SGF29: variants seen among roughly 807,000 people sequenced by gnomAD.
The protein encoded by SGF29 is SAGA-associated factor 29.
SGF29 carries 15 observed loss-of-function variants against 38.1 expected under a neutral mutation model. The observed-to-expected ratio is 0.39, with a 90% CI of 0.26 to 0.61. The LOEUF (loss-of-function observed/expected upper bound fraction) is 0.61. Ranked by LOEUF, SGF29 falls within the 20% of genes least tolerant of loss-of-function variation. The probability of loss-of-function intolerance (pLI) is 0.49; values close to 1 mark genes in which losing one functional copy is unlikely to be tolerated. For synonymous variants in SGF29, 151 were observed against 160.8 expected (o/e 0.94, Z 0.46); for missense variants, 184 against 394.6 (o/e 0.47, Z 4.52).
In SGF29 at chr16:28,589,043, G is replaced by C. The variant is rs569810281; in HGVS notation, c.225-57G>C. 11 of 1,587,126 alleles carry C rather than the reference G, an allele frequency of 6.9e-6. No individual in the cohort carries two copies. In the Admixed American group the frequency reaches 1.3e-4, roughly 19 times the overall value. The stretch of plus-strand genomic sequence containing the variant: ...GACCCAAAACAGAAAAAATGGAAGA[G>C]AAGTCTATGCTATGTACGTTAACCA... On this transcript the variant is annotated intron_variant, in intron 4 of 9. Transcript: ENST00000317058.
chr16:28,588,668 G>T (rs978946585), intron 4 of SGF29: 6 of 418,004 alleles, frequency 1.4e-5, no homozygotes, highest in Non-Finnish European at 2.8e-5. Context: ...AGGTTCAAGC[G>T]ATTCTCTTGC....
chr16:28,579,939 A>C (rs1207036559), intron 1 of SGF29, among the ~76,000 whole-genome samples: 2 of 152,154 alleles, frequency 1.3e-5, no homozygotes, highest in Admixed American at 6.5e-5. Context: ...CTCAAAAAAA[A>C]AAAAATTATC....
intron 4 of SGF29, among the ~76,000 whole-genome samples, chr16:28,587,619 G>A (rs939231162): frequency 3.1e-4 from 47 of 152,272 alleles, no homozygotes; most frequent in Non-Finnish European, 2.6e-4. Context: ...GGGCACCCCC[G>A]GACACCTCCC....
intron 5 of SGF29, chr16:28,589,537 G>A (rs543721703): frequency 7.1e-5 from 17 of 239,602 alleles, no homozygotes; most frequent in Middle Eastern, 1.6e-3. Flanking sequence ...CCCTCAGCCT[G>A]CATTAGGCTC....
intron 1 of SGF29, among the ~76,000 whole-genome samples, chr16:28,568,595 TTG>T (rs1491555677): frequency 1.2e-4 from 7 of 58,712 alleles, no homozygotes; most frequent in Admixed American, 5.9e-4. Flanking sequence ...TAAGGGGTGG[TTG>T]GGGGGGGCTC....
At chr16:28,554,519 C>CT (rs1478708112) in intron 1 of SGF29, among the ~76,000 whole-genome samples, 5 of 152,188 alleles carry the variant, frequency 3.3e-5, no homozygotes, top group Non-Finnish European at 7.4e-5. Context: ...ACAAGATACA[C>CT]TAACAGCTCG....
At chr16:28,572,991 A>G (rs551929437) in intron 1 of SGF29, among the ~76,000 whole-genome samples, 1 of 152,128 alleles carries the variant, frequency 6.6e-6, no homozygotes, top group African/African-American at 2.4e-5. Context: ...AGACAGAGTA[A>G]CCTACATTTG....
Position 28,563,781 on chromosome 16 carries a change from C to T in SGF29, c.-16+9684C>T, listed in dbSNP as rs189763918. Among the ~76,000 whole-genome samples the T allele has an allele frequency of 8.7e-3, 1,125 of 129,448 alleles. 5 individuals are homozygous for T. The highest frequency in any genetic ancestry group is 0.012 in the Non-Finnish European group (771 of 64,644). 84.9% of individuals were successfully genotyped at this position (129,448 alleles called of 152,430 possible). On this transcript the variant is annotated intron_variant, in intron 1 of 9. Coordinates refer to ENST00000317058, the MANE Select transcript of SGF29 (RefSeq NM_138414.3). ...TGTCACCCAGGCTGGAGTGCAGTGG[C>T]GTAATCTCGGCTCACTGCAACCTCC...
At chr16:28,559,188 T>C (rs2151640937) in intron 1 of SGF29, among the ~76,000 whole-genome samples, 1 of 152,112 alleles carries the variant, frequency 6.6e-6, no homozygotes, top group East Asian at 1.9e-4. Context: ...GGCGTGGTGG[T>C]GCACACCTGT....
chr16:28,563,000 A>C (rs1187202611), intron 1 of SGF29, among the ~76,000 whole-genome samples: 2 of 151,798 alleles, frequency 1.3e-5, no homozygotes, highest in Non-Finnish European at 2.9e-5. Context: ...AAGCAGTCTT[A>C]AAAGGGTGTG....
In SGF29 at chr16:28,590,627, G is replaced by C; in HGVS notation, c.567-4G>C. The stretch of plus-strand genomic sequence containing the variant: ...ATCCAGCCTTTTCCTCCTTTTGTCT[G>C]CAGGTATGAGGTAGATGACATCGAT... On this transcript the variant is annotated splice_polypyrimidine_tract_variant and splice_region_variant and intron_variant, in intron 7 of 9. Coordinates refer to ENST00000317058, the MANE Select transcript of SGF29 (RefSeq NM_138414.3). This position sits in a 1 kb window ranked among gnomAD's most constrained non-coding sequence, Gnocchi z 8.2. 1.2e-6 allele frequency: 2 copies of C among 1,613,698 alleles called. No individual in the cohort carries two copies. Among genetic ancestry groups the C allele is most frequent in the Non-Finnish European group, 1.7e-6 (2 of 1,179,988 alleles).
chr16:28,559,480 T>C (rs2046772835), intron 1 of SGF29, among the ~76,000 whole-genome samples: 1 of 152,168 alleles, frequency 6.6e-6, no homozygotes, highest in East Asian at 1.9e-4. Flanking sequence ...GCCTCCCGGA[T>C]TCAAGCGATT....
At position 28,581,055 on chromosome 16, in the gene SGF29, G is replaced by C. The variant is rs572064592; in HGVS notation, c.-15G>C. On this transcript the variant is annotated splice_region_variant and 5_prime_UTR_variant, in exon 2 of 10. Transcript: ENST00000317058. ...TCTTCTGTCCTCGCTCCCCCACCAG[G>C]TGCCCCTGTAGACAATGGCCCTCGT... is the stretch of plus-strand genomic sequence containing the variant. 15 of 1,612,592 alleles carry C rather than the reference G, an allele frequency of 9.3e-6. No homozygotes were observed. The African/African-American group carries it at 1.9e-4, about 20-fold the overall frequency.
intron 2 of SGF29, among the ~76,000 whole-genome samples, chr16:28,581,843 C>T (rs902693255): frequency 2.2e-4 from 33 of 149,060 alleles, no homozygotes; most frequent in Non-Finnish European, 4.4e-4. Context: ...CACTTGAACT[C>T]GGGAGGCAGA....
At chr16:28,554,306 G>T (rs1008617789) in intron 1 of SGF29, among the ~76,000 whole-genome samples, 6 of 152,066 alleles carry the variant, frequency 3.9e-5, no homozygotes, top group African/African-American at 1.4e-4. Context: ...CGGGCCCTGC[G>T]CCCGGCCGCT....
intron 1 of SGF29, among the ~76,000 whole-genome samples, chr16:28,571,268 T>G (rs896824686): frequency 1.3e-5 from 2 of 152,096 alleles, no homozygotes; most frequent in African/African-American, 4.8e-5. Context: ...CTGGATCTTG[T>G]ACTTTCCGGC....
At chr16:28,577,073 C>G (rs2151648991) in intron 1 of SGF29, among the ~76,000 whole-genome samples, 1 of 152,096 alleles carries the variant, frequency 6.6e-6, no homozygotes, top group African/African-American at 2.4e-5. Flanking sequence ...ACTTGGGAGG[C>G]AGGAGAAACA....
At chr16:28,561,130 A>T (rs1292695730) in intron 1 of SGF29, among the ~76,000 whole-genome samples, 1 of 152,020 alleles carries the variant, frequency 6.6e-6, no homozygotes, top group Non-Finnish European at 1.5e-5. Flanking sequence ...GGTGGCTCAC[A>T]CCTATAATCC....
intron 1 of SGF29, among the ~76,000 whole-genome samples, chr16:28,578,318 A>G (rs1246735836): frequency 6.6e-6 from 1 of 152,072 alleles, no homozygotes; most frequent in Non-Finnish European, 1.5e-5. Context: ...TCCAATGTGG[A>G]TGCCTTTTAT....
Sources: allele counts gnomAD v4.1 joint callset (sites outside exome capture counted in the v4.1 genomes callset), GRCh38; gene constraint gnomAD v4.1.1; non-coding constraint Gnocchi (gnomAD v3.1); transcripts MANE v1.5; gene names NCBI Gene and HGNC (gene_info 2026-07-23, HGNC 2026-07-21).